ZNF346: variants seen among roughly 807,000 people sequenced by gnomAD.
The protein encoded by ZNF346 is zinc finger protein 346.
A neutral mutation model predicts 33.7 loss-of-function variants in ZNF346; 23 were observed. The observed-to-expected ratio is 0.68, with a 90% CI of 0.49 to 0.97. The LOEUF (loss-of-function observed/expected upper bound fraction) is 0.97. Among genes scored for constraint, ZNF346 ranks in the 50% least tolerant of loss-of-function variants. ZNF346 has a pLI of 0.00. For synonymous variants in ZNF346, 134 were observed against 142.4 expected (o/e 0.94, Z 0.42); for missense variants, 340 against 371.1 (o/e 0.92, Z 0.69).
downstream of ZNF346, among the ~76,000 whole-genome samples, chr5:177,071,462 G>A (rs537828102): frequency 9.2e-5 from 14 of 152,034 alleles, no homozygotes; most frequent in South Asian, 2.1e-4. Flanking sequence ...TGAGGTGGGC[G>A]GATCACAAGG....
intron 1 of ZNF346, chr5:177,023,283 C>A: frequency 7.5e-7 from 1 of 1,330,056 alleles, no homozygotes; most frequent in Non-Finnish European, 1.0e-6. Context: ...CCCATCGTCC[C>A]AATCTCCAGA....
intron 5 of ZNF346, among the ~76,000 whole-genome samples, chr5:177,051,516 A>G (rs965983206): frequency 1.3e-5 from 2 of 149,694 alleles, no homozygotes; most frequent in Admixed American, 1.3e-4. Context: ...CCAGATTTAT[A>G]TAGAAATCCC....
At chr5:177,026,574 C>G (rs918579154) in intron 1 of ZNF346, among the ~76,000 whole-genome samples, 15 of 152,000 alleles carry the variant, frequency 9.9e-5, no homozygotes, top group Admixed American at 8.5e-4. Context: ...GTTGGCCAGA[C>G]TGGTCTTGAA....
At chr5:177,059,845 A>C (rs909289323) in intron 5 of ZNF346, among the ~76,000 whole-genome samples, 2 of 152,222 alleles carry the variant, frequency 1.3e-5, no homozygotes, top group African/African-American at 2.4e-5. Flanking sequence ...CTGTGTTCTT[A>C]TGGAGCTTAC....
intron 5 of ZNF346, among the ~76,000 whole-genome samples, chr5:177,055,728 G>T (rs1781583025): frequency 6.6e-6 from 1 of 152,026 alleles, no homozygotes. Flanking sequence ...ATCACTTGAG[G>T]TCGGGAGTTC....
chr5:177,038,464 C>G (rs2149618777), intron 1 of ZNF346, among the ~76,000 whole-genome samples: 1 of 151,164 alleles, frequency 6.6e-6, no homozygotes, highest in African/African-American at 2.4e-5. Context: ...ACCCCGTACT[C>G]TGCTTGTTTT....
intron 8 of ZNF346, among the ~76,000 whole-genome samples, chr5:177,073,828 A>AGGGGGGGGGGGGGGGG (rs34734185): frequency 1.4e-5 from 1 of 69,098 alleles, no homozygotes; most frequent in Admixed American, 1.5e-4. Context: ...CGGGCGGGGG[A>AGGGGGGGGGGGGGGGG]GGGGGGGGGT....
In ZNF346 at chr5:177,078,469, G is replaced by C. The variant is rs772977520; in HGVS notation, c.*3-913G>C. On this transcript the variant is annotated intron_variant, in intron 8 of 8. Transcript: ENST00000503039. ...GCTGAGGAGCTGGGGGTGCCAGTGG[G>C]TGGTGGGGGGAGAGTAGTTAAGGGT... Among the ~76,000 whole-genome samples, 7 of 152,286 alleles carry C rather than the reference G, an allele frequency of 4.6e-5. 1 individual carries two copies. In the South Asian group the frequency reaches 1.2e-3, roughly 27 times the overall value.
intron 1 of ZNF346, among the ~76,000 whole-genome samples, chr5:177,029,056 T>A (rs1777303792): frequency 6.6e-6 from 1 of 151,978 alleles, no homozygotes; most frequent in Non-Finnish European, 1.5e-5. Context: ...TTGGTACATG[T>A]TAATAGGGTG....
At chr5:177,072,112 C>A (rs995935321), downstream of ZNF346, among the ~76,000 whole-genome samples, 6 of 152,194 alleles carry the variant, frequency 3.9e-5, no homozygotes, top group Non-Finnish European at 7.3e-5. Flanking sequence ...CTTCACGAGC[C>A]CCTGTATATG....
chr5:177,063,065 G>T (rs960586200), intron 6 of ZNF346, among the ~76,000 whole-genome samples: 15 of 142,986 alleles, frequency 1.0e-4, no homozygotes, highest in South Asian at 6.7e-4. Context: ...ACAACATAAC[G>T]TTTTTTTTTT....
At chr5:177,072,084 G>C (rs1783535726), downstream of ZNF346, among the ~76,000 whole-genome samples, 1 of 152,198 alleles carries the variant, frequency 6.6e-6, no homozygotes, top group African/African-American at 2.4e-5. Flanking sequence ...TTGATTTAAT[G>C]GGAAGAGAAC....
At chr5:177,048,506 A>G (rs1294856619) in intron 4 of ZNF346, among the ~76,000 whole-genome samples, 2 of 152,144 alleles carry the variant, frequency 1.3e-5, no homozygotes, top group Non-Finnish European at 2.9e-5. Context: ...CTGTAATCCC[A>G]TCTACTTCGG....
At chr5:177,035,749 C>T (rs1343027162) in intron 1 of ZNF346, among the ~76,000 whole-genome samples, 1 of 78,936 alleles carries the variant, frequency 1.3e-5, no homozygotes, top group Non-Finnish European at 2.5e-5. Context: ...GATTCTCCTG[C>T]CTCAGCCTCC....
At chr5:177,050,598 T>C (rs1780716947) in intron 4 of ZNF346, 153 bp from the exon 5 acceptor site, 1 of 731,518 alleles carries the variant, frequency 1.4e-6, no homozygotes, top group African/African-American at 1.8e-5. Flanking sequence ...GTGCCACATC[T>C]GCAGTAGGAT....
At chr5:177,038,443 C>T (rs901309167) in intron 1 of ZNF346, among the ~76,000 whole-genome samples, 3 of 150,734 alleles carry the variant, frequency 2.0e-5, no homozygotes, top group East Asian at 2.0e-4. Flanking sequence ...TCTCCTGCCC[C>T]GTCATTCTCT....
intron 3 of ZNF346, among the ~76,000 whole-genome samples, chr5:177,042,506 A>ATAAAG (rs1332690997): frequency 6.6e-6 from 1 of 152,194 alleles, no homozygotes; most frequent in African/African-American, 2.4e-5. Context: ...AACTTCCCCC[A>ATAAAG]TAAAGTAGAG....
chr5:177,049,104 C>T (rs548532971), intron 4 of ZNF346, among the ~76,000 whole-genome samples: 12 of 152,156 alleles, frequency 7.9e-5, no homozygotes, highest in African/African-American at 2.9e-4. Context: ...GCTTTTTTTA[C>T]ACTCAACACC....
chr5:177,041,705 A>C, intron 2 of ZNF346, 73 bp from the exon 3 acceptor site: 1 of 956,162 alleles, frequency 1.0e-6, no homozygotes, highest in East Asian at 2.5e-5. Flanking sequence ...TGAAAATCTC[A>C]TAAGTGTTTT....
Sources: allele counts gnomAD v4.1 joint callset (sites outside exome capture counted in the v4.1 genomes callset), GRCh38; gene constraint gnomAD v4.1.1; transcripts MANE v1.5; gene names NCBI Gene and HGNC (gene_info 2026-07-23, HGNC 2026-07-21).